The following FRMD7 variants were observed in gnomAD, a reference collection of about 807,000 sequenced individuals.
FRMD7 encodes the protein FERM domain-containing protein 7.
A neutral mutation model predicts 44.1 loss-of-function variants in FRMD7; 14 were observed. That is an observed-to-expected ratio of 0.32 (90% CI 0.21 to 0.50). The LOEUF (loss-of-function observed/expected upper bound fraction) is 0.50. FRMD7 is among the 20% of genes least tolerant of loss of function. The pLI is 0.99. For missense variants in FRMD7, 501 were observed against 522.3 expected, an observed-to-expected ratio of 0.96 and a Z score of 0.40; for synonymous variants, 212 against 187.4, an observed-to-expected ratio of 1.13 and a Z score of -1.07.
At position 132,077,790 on chromosome X, in the gene FRMD7, A is replaced by C. The variant is rs1927651567; in HGVS notation, c.*82T>G. On this transcript the variant is annotated 3_prime_UTR_variant, in exon 12 of 12. Transcript: ENST00000298542. Reference sequence around the variant, plus strand: ...TACCAATGAATATGTAGTAACCAAGAAAATGGTTTCTACAACTTCATTATT... The same window carrying C: ...TACCAATGAATATGTAGTAACCAAGCAAATGGTTTCTACAACTTCATTATT... The C allele has an allele frequency of 1.9e-5, 23 of 1,187,148 alleles. No homozygotes were observed. Among genetic ancestry groups the C allele is most frequent in the Non-Finnish European group, 2.4e-5 (21 of 878,891 alleles).
intron 1 of FRMD7, among the ~76,000 whole-genome samples, chrX:132,125,687 G>A (rs1263344622): frequency 8.9e-6 from 1 of 112,170 alleles, no homozygotes; most frequent in Non-Finnish European, 1.9e-5. Context: ...AAGAAAAGAA[G>A]GGTCTACTAA....
intron 1 of FRMD7, among the ~76,000 whole-genome samples, chrX:132,103,248 T>A (rs1307364702): frequency 1.8e-5 from 2 of 112,219 alleles, no homozygotes. Flanking sequence ...GTGTTATGTT[T>A]CTCTTTCTTG....
intron 1 of FRMD7, among the ~76,000 whole-genome samples, chrX:132,127,071 C>G (rs1484661185): frequency 1.8e-5 from 2 of 112,024 alleles, no homozygotes; most frequent in African/African-American, 6.5e-5. Flanking sequence ...ATTTTTGGTT[C>G]CAATAAAAAT....
chrX:132,079,095 T>TTGTTAGGTAG, intron 11 of FRMD7, 129 bp from the exon 12 acceptor site: 4 of 563,245 alleles, frequency 7.1e-6, no homozygotes, highest in Non-Finnish European at 1.2e-5. Context: ...ATCCATGTTC[T>TTGTTAGGTAG]ATTCTAGGGT....
intron 9 of FRMD7, 143 bp downstream of exon 9, chrX:132,082,220 G>A (rs1163773410): frequency 1.9e-5 from 11 of 593,391 alleles, no homozygotes; most frequent in Non-Finnish European, 2.4e-5. Flanking sequence ...GTGTCATACA[G>A]AGAATGAGCA....
At chrX:132,107,500 A>G (rs1448111939) in intron 1 of FRMD7, among the ~76,000 whole-genome samples, 1 of 110,538 alleles carries the variant, frequency 9.0e-6, no homozygotes, top group African/African-American at 3.3e-5. Context: ...TCACATTTCT[A>G]GAGGCTGGAG....
At chrX:132,111,563 G>C (rs1167969506) in intron 1 of FRMD7, among the ~76,000 whole-genome samples, 2 of 112,050 alleles carry the variant, frequency 1.8e-5, no homozygotes, top group Non-Finnish European at 1.9e-5. Flanking sequence ...ATCTATAATA[G>C]TATAAGCACA....
At chrX:132,085,070 C>T (rs1203125438) in intron 7 of FRMD7, among the ~76,000 whole-genome samples, 1 of 110,885 alleles carries the variant, frequency 9.0e-6, no homozygotes, top group Middle Eastern at 4.2e-3. Flanking sequence ...TAACTCTATA[C>T]CTCTCTCCTG....
intron 5 of FRMD7, among the ~76,000 whole-genome samples, chrX:132,088,108 A>G (rs1928053078): frequency 8.9e-6 from 1 of 112,514 alleles, no homozygotes; most frequent in Non-Finnish European, 1.9e-5. Flanking sequence ...AAATCAGGTA[A>G]AGATATCAAG....
intron 1 of FRMD7, among the ~76,000 whole-genome samples, chrX:132,105,665 T>C (rs1217472126): frequency 9.0e-6 from 1 of 111,426 alleles, no homozygotes; most frequent in East Asian, 2.8e-4. Context: ...AGCAGGCACA[T>C]AGGCCAATGG....
intron 3 of FRMD7, 58 bp from the exon 4 acceptor site, chrX:132,097,402 T>TACGTTATAGGTAC (rs1556023720): frequency 2.5e-6 from 1 of 401,699 alleles, no homozygotes; most frequent in African/African-American, 2.6e-5. Context: ...CAGTTATAGG[T>TACGTTATAGGTAC]ACACACACAC....
rs1344017890 is a variant in FRMD7 at position 132,115,595 on chromosome X, T to A, written c.57+12193A>T. ...TGGGAAACTACATCCCAAGGGATAC[T>A]AACCTTTGTGTCTTAAAATTAGTTG... On this transcript the variant is annotated intron_variant, in intron 1 of 11. Coordinates refer to ENST00000298542, the MANE Select transcript of FRMD7 (RefSeq NM_194277.3). Among the ~76,000 whole-genome samples the A allele has an allele frequency of 2.7e-5, 3 of 112,130 alleles. No individual in the cohort carries two copies. In the Admixed American group the frequency reaches 2.8e-4, roughly 11 times the overall value.
chrX:132,083,785 C>T (rs893489416), intron 8 of FRMD7, among the ~76,000 whole-genome samples: 1 of 111,568 alleles, frequency 9.0e-6, no homozygotes, highest in African/African-American at 3.3e-5. Flanking sequence ...CATAGTGAGA[C>T]CTTGTCTCTA....
At chrX:132,089,290 C>T (rs1450905840) in intron 5 of FRMD7, among the ~76,000 whole-genome samples, 4 of 111,768 alleles carry the variant, frequency 3.6e-5, no homozygotes, top group African/African-American at 1.3e-4. Flanking sequence ...AAATGGACAT[C>T]CACACACAAA....
rs1360227265 is a variant in FRMD7, at chrX:132,078,699, T to C, written c.1318A>G (p.Arg440Gly). 1.7e-6 allele frequency: 2 copies of C among 1,209,515 alleles called. No individual in the cohort carries two copies. Among genetic ancestry groups the C allele is most frequent in the South Asian group, 1.8e-5 (1 of 56,801 alleles). Residue 440 changes from arginine (R) to glycine (G), a missense_variant, in exon 12 of 12, where the codon AGG becomes GGG. This residue lies in a region of FRMD7 where 453 missense variants were observed against 452.7 expected (regional missense o/e 1.00). Coordinates refer to ENST00000298542, the MANE Select transcript of FRMD7 (RefSeq NM_194277.3). ...GTTTGGAAGGAGCTTAGAGAACTCC[T>C]CTCTGAAAAAATGTCTCTGGGATCA... ...NPDPRDIFSE[R>G]SSLSSFQTSC...
chrX:132,079,762 C>T (rs1927746986), intron 11 of FRMD7, among the ~76,000 whole-genome samples: 2 of 111,880 alleles, frequency 1.8e-5, no homozygotes, highest in Admixed American at 1.9e-4. Flanking sequence ...GTTAGCAACA[C>T]AGGTTGCAAT....
chrX:132,095,583 A>G (rs1928308148), intron 4 of FRMD7, among the ~76,000 whole-genome samples: 1 of 112,318 alleles, frequency 8.9e-6, no homozygotes, highest in Non-Finnish European at 1.9e-5. Flanking sequence ...GTAAATTAGC[A>G]GGTGATTATT....
chrX:132,106,625 T>A (rs1211538785), intron 1 of FRMD7, among the ~76,000 whole-genome samples: 1 of 112,099 alleles, frequency 8.9e-6, no homozygotes, highest in Non-Finnish European at 1.9e-5. Flanking sequence ...TCAACCTAAA[T>A]GCCCATCAAT....
At chrX:132,090,960 G>A (rs866213092) in intron 5 of FRMD7, among the ~76,000 whole-genome samples, 5 of 110,838 alleles carry the variant, frequency 4.5e-5, no homozygotes, top group Middle Eastern at 4.2e-3. Flanking sequence ...CTGTTACCAC[G>A]CTGGTCCAAA....
Sources: gnomAD v4.1 joint callset for allele counts (sites outside exome capture counted in the v4.1 genomes callset) on GRCh38, gnomAD v4.1.1 for gene constraint, gnomAD v4.1.1 regional missense constraint, MANE v1.5 for transcripts, NCBI Gene and HGNC (gene_info 2026-07-23, HGNC 2026-07-21) for gene names.